NFIB: variants seen among roughly 807,000 people sequenced by gnomAD.
The protein encoded by NFIB is nuclear factor 1 B-type.
In NFIB, 11 loss-of-function variants were observed where a neutral mutation model predicts 61.5. The ratio of observed to expected loss-of-function variants is 0.18; its 90% CI spans 0.11 to 0.30. The LOEUF (loss-of-function observed/expected upper bound fraction) is 0.30. Ranked by LOEUF, NFIB falls within the 10% of genes least tolerant of loss-of-function variation. The probability of loss-of-function intolerance (pLI) is 1.00; values close to 1 mark genes in which losing one functional copy is unlikely to be tolerated. For missense variants in NFIB, 471 were observed against 608.9 expected, an observed-to-expected ratio of 0.77 and a Z score of 2.38; for synonymous variants, 260 against 216.5, an observed-to-expected ratio of 1.20 and a Z score of -1.76.
At chr9:14,251,443 G>T (rs1437832735) in intron 2 of NFIB, among the ~76,000 whole-genome samples, 1 of 152,126 alleles carries the variant, frequency 6.6e-6, no homozygotes, top group Non-Finnish European at 1.5e-5. Flanking sequence ...AACTCAATGG[G>T]GCTCCCAGCC....
the NFIB span, among the ~76,000 whole-genome samples, chr9:14,457,730 T>A: frequency 6.6e-6 from 1 of 152,086 alleles, no homozygotes; most frequent in African/African-American, 2.4e-5. Flanking sequence ...CAGAGAATAC[T>A]ATAAACACCT....
At chr9:14,498,821 CCCTTCCTCCCTT>C in the NFIB span, among the ~76,000 whole-genome samples, 4 of 90,754 alleles carry the variant, frequency 4.4e-5, no homozygotes, top group East Asian at 9.5e-4. Context: ...CTCCCTTCCT[CCCTTCCTCCCTT>C]CCTTCCTTCC....
the NFIB span, among the ~76,000 whole-genome samples, chr9:14,473,897 G>A: frequency 6.6e-6 from 1 of 152,116 alleles, no homozygotes; most frequent in Non-Finnish European, 1.5e-5. Flanking sequence ...AACCATGACC[G>A]TTTTTCACCA....
Position 14,350,674 on chromosome 9 carries a change from C to CA in NFIB, c.109-43155dup, listed in dbSNP as rs548422629. ...GGCGCTGCCAGATGATTCAGAGATA[C>CA]AAAAAAAATTCCTCTTTCTTTTTAA... is the stretch of plus-strand genomic sequence containing the variant. On this transcript the variant is annotated intron_variant, in intron 1 of 8. Transcript: ENST00000380934. Among the ~76,000 whole-genome samples, 31 of 151,926 alleles carry CA rather than the reference C, an allele frequency of 2.0e-4. No homozygotes were observed. The South Asian group carries it at 2.3e-3, about 11-fold the overall frequency.
At chr9:14,117,021 TA>T (rs1162315643) in intron 8 of NFIB, among the ~76,000 whole-genome samples, 1 of 152,196 alleles carries the variant, frequency 6.6e-6, no homozygotes, top group Non-Finnish European at 1.5e-5. Flanking sequence ...GTAAAGCATC[TA>T]AAATTTCAGA....
intron 2 of NFIB, among the ~76,000 whole-genome samples, chr9:14,243,451 AT>A (rs2054555513): frequency 6.6e-6 from 1 of 152,140 alleles, no homozygotes; most frequent in Admixed American, 6.5e-5. Context: ...TTCTACCCCG[AT>A]TCCTAAGTCC....
chr9:14,278,074 T>A (rs1471578010), intron 2 of NFIB, among the ~76,000 whole-genome samples: 1 of 152,160 alleles, frequency 6.6e-6, no homozygotes, highest in African/African-American at 2.4e-5. Flanking sequence ...TGAGTTTTGG[T>A]GCTAAGTTCA....
At chr9:14,350,942 C>T (rs2061102479) in intron 1 of NFIB, among the ~76,000 whole-genome samples, 1 of 152,244 alleles carries the variant, frequency 6.6e-6, no homozygotes, top group Non-Finnish European at 1.5e-5. Flanking sequence ...AAGAAAGTCG[C>T]GACCTTTCTA....
the NFIB span, among the ~76,000 whole-genome samples, chr9:14,446,883 CA>C: frequency 6.6e-6 from 1 of 152,110 alleles, no homozygotes; most frequent in Non-Finnish European, 1.5e-5. Context: ...TTGGTAAACA[CA>C]TTTTTTCTTA....
At chr9:14,279,970 G>C (rs763290019) in intron 2 of NFIB, among the ~76,000 whole-genome samples, 1 of 152,170 alleles carries the variant, frequency 6.6e-6, no homozygotes, top group African/African-American at 2.4e-5. Flanking sequence ...GGATTGCTCT[G>C]ATAGCAGCTG....
the NFIB span, among the ~76,000 whole-genome samples, chr9:14,501,653 T>C: frequency 2.0e-5 from 3 of 146,814 alleles, no homozygotes; most frequent in East Asian, 6.2e-4. Flanking sequence ...GGCCCCCTCA[T>C]TCTACACAGG....
chr9:14,358,922 C>T (rs1026553843), intron 1 of NFIB, among the ~76,000 whole-genome samples: 1 of 152,218 alleles, frequency 6.6e-6, no homozygotes, highest in Non-Finnish European at 1.5e-5. Flanking sequence ...ATCATCACTT[C>T]CTAATCATTT....
At chr9:14,228,534 C>T (rs771694987) in intron 2 of NFIB, among the ~76,000 whole-genome samples, 6 of 152,140 alleles carry the variant, frequency 3.9e-5, no homozygotes, top group Non-Finnish European at 8.8e-5. Context: ...TCCACTCGAA[C>T]CCATTTACAA....
At chr9:14,512,304 C>A in the NFIB span, among the ~76,000 whole-genome samples, 1 of 152,104 alleles carries the variant, frequency 6.6e-6, no homozygotes, top group African/African-American at 2.4e-5. Flanking sequence ...TTATTTAGTA[C>A]AGAAATGTAA....
the NFIB span, among the ~76,000 whole-genome samples, chr9:14,524,666 G>T: frequency 6.6e-6 from 1 of 152,184 alleles, no homozygotes; most frequent in Non-Finnish European, 1.5e-5. Flanking sequence ...AGATGTTGGT[G>T]AACTAGCAGT....
the NFIB span, among the ~76,000 whole-genome samples, chr9:14,429,817 A>G: frequency 7.2e-3 from 1,100 of 152,314 alleles, 10 homozygotes; most frequent in African/African-American, 0.025. Context: ...AGTGAATTCC[A>G]TCCATTCAGA....
rs570776256 is a variant in NFIB, at chr9:14,254,090, C to T, written c.562+52899G>A. ...GCTGAGGCAAGCAGATAACTTGAGG[C>T]CAGTAGTTTGAGACTAGCCTGGCCA... On this transcript the variant is annotated intron_variant, in intron 2 of 10. Transcript: ENST00000380953. Among the ~76,000 whole-genome samples, 37 of 152,176 alleles carry T rather than the reference C, an allele frequency of 2.4e-4. 1 individual carries two copies. In the East Asian group the frequency reaches 6.6e-3, roughly 27 times the overall value.
At chr9:14,327,372 T>G (rs558789359) in intron 1 of NFIB, among the ~76,000 whole-genome samples, 3 of 152,356 alleles carry the variant, frequency 2.0e-5, no homozygotes, top group African/African-American at 7.2e-5. Context: ...AAGTTGCCTT[T>G]TACTTAAAGA....
At chr9:14,289,558 GAT>G (rs1049040235) in intron 2 of NFIB, among the ~76,000 whole-genome samples, 12 of 150,510 alleles carry the variant, frequency 8.0e-5, no homozygotes, top group African/African-American at 2.9e-4. Flanking sequence ...TAGATAGATA[GAT>G]ATACACACAC....
Sources: gnomAD v4.1 joint callset for allele counts (sites outside exome capture counted in the v4.1 genomes callset) on GRCh38, gnomAD v4.1.1 for gene constraint, MANE v1.5 for transcripts, NCBI Gene and HGNC (gene_info 2026-07-23, HGNC 2026-07-21) for gene names.